The following ACSL4 variants were observed in gnomAD, a reference collection of about 807,000 sequenced individuals.
The protein encoded by ACSL4 is long-chain-fatty-acid--CoA ligase 4.
A neutral mutation model predicts 49.1 loss-of-function variants in ACSL4; 9 were observed. The ratio of observed to expected loss-of-function variants is 0.18; its 90% CI spans 0.11 to 0.32. The LOEUF (loss-of-function observed/expected upper bound fraction) is 0.32. Ranked by LOEUF, ACSL4 falls within the 10% of genes least tolerant of loss-of-function variation. ACSL4 has a pLI of 1.00. For synonymous variants in ACSL4, 191 were observed against 170.3 expected, an observed-to-expected ratio of 1.12 and a Z score of -0.95; for missense variants, 333 against 493.7, an observed-to-expected ratio of 0.67 and a Z score of 3.08.
chrX:109,644,221 AG>A (rs200742285), intron 15 of ACSL4, 35 bp from the exon 16 acceptor site: 72 of 1,160,643 alleles, frequency 6.2e-5, no homozygotes, highest in South Asian at 4.5e-4. Flanking sequence ...AGAAAAGGAG[AG>A]GGGGGGAAAG....
intron 2 of ACSL4, among the ~76,000 whole-genome samples, chrX:109,695,129 G>A (rs755336325): frequency 2.4e-4 from 26 of 109,531 alleles, no homozygotes; most frequent in African/African-American, 7.3e-4. Context: ...GGAGAATCAC[G>A]AGGTCAGGAG....
chrX:109,727,572 A>G (rs1041419445), intron 1 of ACSL4, among the ~76,000 whole-genome samples: 6 of 111,577 alleles, frequency 5.4e-5, no homozygotes, highest in Non-Finnish European at 1.1e-4. Context: ...GAGACTTAGT[A>G]AAGAAAATGA....
chrX:109,712,278 T>C (rs1181085353), intron 1 of ACSL4, among the ~76,000 whole-genome samples: 1 of 111,491 alleles, frequency 9.0e-6, no homozygotes, highest in Non-Finnish European at 1.9e-5. Flanking sequence ...TTTAAAAATT[T>C]TGTAGAGACA....
rs2147409402 is a variant in ACSL4 at position 109,669,146 on chromosome X, C to A, written c.1030G>T (p.Val344Phe). The A allele has an allele frequency of 8.6e-7, 1 of 1,168,339 alleles. No individual in the cohort carries two copies. The change falls in exon 10 of 16, where the codon GTT (valine) becomes TTT (phenylalanine). Residue 344 changes from valine (V) to phenylalanine (F), a missense_variant. Val to Phe is a conservative substitution (Grantham distance 50). This residue lies in a region of ACSL4 where 175 missense variants were observed against 275.8 expected (regional missense o/e 0.63). Transcript: ENST00000672401. ...PEIMDRIYKN[V>F]MSKVQEMNYI... ...TTCATCTCTTGGACTTTGCTCATAA[C>A]ATTCTTATAAATTCTATCCATGATT...
rs181409313 is a variant in ACSL4 at position 109,644,444 on chromosome X, A to T, written c.1856-258T>A. On this transcript the variant is annotated intron_variant, in intron 15 of 15. Transcript: ENST00000672401. ...AGTATACCTAAGTTGTTTCAGTTGG[A>T]TAGTTTTAGTCTATGTGGTTATTAA... Among the ~76,000 whole-genome samples the T allele has an allele frequency of 3.2e-3, 351 of 111,077 alleles. 3 individuals carry two copies. The highest frequency in any genetic ancestry group is 4.8e-3 in the Non-Finnish European group (255 of 52,996).
At position 109,683,711 on chromosome X, in the gene ACSL4, A is replaced by G. The variant is rs1924368989; in HGVS notation, c.-12-336T>C. 3 of 337,054 alleles carry G rather than the reference A, an allele frequency of 8.9e-6. No homozygotes were observed. In the South Asian group the frequency reaches 2.1e-4, roughly 24 times the overall value. 27.8% of individuals were successfully genotyped at this position (337,054 alleles called of 1,213,427 possible). A position where few individuals can be genotyped will look rare whatever the true frequency, so the allele number is the denominator to read the frequency against. The stretch of plus-strand genomic sequence containing the variant: ...ACCAAGCAGAGAGCAGGAAAAATAA[A>G]AACAAAAAACAAAAAACAAAAACAA... On this transcript the variant is annotated intron_variant, in intron 2 of 15. Coordinates refer to ENST00000672401, the MANE Select transcript of ACSL4 (RefSeq NM_001318510.2).
rs1416542207 is a variant in ACSL4 at position 109,674,354 on chromosome X, A to T, written c.1002+48T>A. 3 of 1,031,403 alleles carry T rather than the reference A, an allele frequency of 2.9e-6. No individual in the cohort carries two copies. The South Asian group carries it at 5.7e-5, about 20-fold the overall frequency. 85.0% of individuals were successfully genotyped at this position (1,031,403 alleles called of 1,213,427 possible). On this transcript the variant is annotated intron_variant, in intron 9 of 15. Transcript: ENST00000672401. ...TTAAAAGGTCCAAGTACGATCAATA[A>T]ATTATATAAACAATCCTCTTATGTT...
intron 2 of ACSL4, 92 bp from the exon 3 acceptor site, chrX:109,683,467 A>C: frequency 8.3e-7 from 1 of 1,209,123 alleles, no homozygotes; most frequent in Non-Finnish European, 1.1e-6. Context: ...AATGGTGAGC[A>C]CATTTAGCTT....
chrX:109,666,336 G>GA (rs1922632137), intron 11 of ACSL4, among the ~76,000 whole-genome samples: 1 of 111,882 alleles, frequency 8.9e-6, no homozygotes. Context: ...CAAGAGAAGG[G>GA]AAAAGAAAAT....
At chrX:109,722,202 A>G (rs992593588) in intron 1 of ACSL4, among the ~76,000 whole-genome samples, 2 of 112,189 alleles carry the variant, frequency 1.8e-5, no homozygotes, top group African/African-American at 6.5e-5. Context: ...AACCCAGAGG[A>G]AATTATAATG....
intron 1 of ACSL4, among the ~76,000 whole-genome samples, chrX:109,696,710 A>G (rs750503541): frequency 1.8e-5 from 2 of 112,839 alleles, no homozygotes; most frequent in South Asian, 7.2e-4. Context: ...TCTTTTTTCA[A>G]TTTGTAAACA....
At chrX:109,673,172 A>T (rs1306358987) in intron 9 of ACSL4, among the ~76,000 whole-genome samples, 2 of 111,993 alleles carry the variant, frequency 1.8e-5, no homozygotes, top group Non-Finnish European at 3.8e-5. Flanking sequence ...TTCCTATGTT[A>T]TCTGATAAGG....
At chrX:109,700,994 G>C (rs1603409360) in intron 1 of ACSL4, among the ~76,000 whole-genome samples, 1 of 110,819 alleles carries the variant, frequency 9.0e-6, no homozygotes, top group South Asian at 3.8e-4. Context: ...CGTGAGCCGA[G>C]ATCGCACCAC....
intron 1 of ACSL4, among the ~76,000 whole-genome samples, chrX:109,708,474 A>G (rs1926522709): frequency 1.8e-5 from 2 of 112,310 alleles, no homozygotes; most frequent in African/African-American, 3.2e-5. Flanking sequence ...AGTTGGCTTT[A>G]TTTGTACTAA....
chrX:109,701,756 G>C (rs1459626761), intron 1 of ACSL4, among the ~76,000 whole-genome samples: 2 of 91,812 alleles, frequency 2.2e-5, no homozygotes, highest in African/African-American at 4.1e-5. Context: ...GTGTTAGCCA[G>C]GGTGGTTTCG....
At chrX:109,718,952 G>A (rs1265284521) in intron 1 of ACSL4, among the ~76,000 whole-genome samples, 1 of 111,266 alleles carries the variant, frequency 9.0e-6, no homozygotes, top group Non-Finnish European at 1.9e-5. Context: ...CCACTTTTAA[G>A]CTGGCAGTGC....
rs182678231 is a variant in ACSL4 at position 109,697,371 on chromosome X, G to A, written c.-65-1175C>T. On this transcript the variant is annotated intron_variant, in intron 1 of 15. Coordinates refer to ENST00000672401, the MANE Select transcript of ACSL4 (RefSeq NM_001318510.2). ...TTTGTTGGTTTTTTTTAGTCTAGAC[G>A]CCCCCATGGAAGTCATATAAACGAA... Among the ~76,000 whole-genome samples the A allele has an allele frequency of 5.4e-3, 597 of 110,709 alleles. 2 individuals carry two copies. The highest frequency in any genetic ancestry group is 0.018 in the African/African-American group (549 of 30,474).
chrX:109,697,854 A>T (rs1925572230), intron 1 of ACSL4, among the ~76,000 whole-genome samples: 1 of 109,893 alleles, frequency 9.1e-6, no homozygotes, highest in Non-Finnish European at 1.9e-5. Flanking sequence ...GTAACTTAAA[A>T]ATGACCAAAA....
At chrX:109,660,593 A>G (rs1306159202) in intron 14 of ACSL4, among the ~76,000 whole-genome samples, 1 of 111,986 alleles carries the variant, frequency 8.9e-6, no homozygotes, top group Non-Finnish European at 1.9e-5. Context: ...ATCTATCCAC[A>G]TAATTGAAAG....
Sources: gnomAD v4.1 joint callset for allele counts (sites outside exome capture counted in the v4.1 genomes callset) on GRCh38, gnomAD v4.1.1 for gene constraint, gnomAD v4.1.1 regional missense constraint, MANE v1.5 for transcripts, NCBI Gene and HGNC (gene_info 2026-07-23, HGNC 2026-07-21) for gene names.